The following KATNAL1 variants were observed in gnomAD, a reference collection of about 807,000 sequenced individuals.
The protein encoded by KATNAL1 is katanin catalytic subunit A1 like 1.
In KATNAL1, 32 loss-of-function variants were observed where a neutral mutation model predicts 55.2. The observed-to-expected ratio is 0.58, with a 90% CI of 0.44 to 0.78. KATNAL1 has a LOEUF of 0.78. KATNAL1 is among the 30% of genes least tolerant of loss of function. The pLI is 0.00. For synonymous variants in KATNAL1, 193 were observed against 193.6 expected (o/e 1.00, Z 0.02); for missense variants, 466 against 600.9 (o/e 0.78, Z 2.35).
chr13:30,274,147 TA>T (rs1302769735), intron 3 of KATNAL1, among the ~76,000 whole-genome samples: 1 of 152,220 alleles, frequency 6.6e-6, no homozygotes, highest in African/African-American at 2.4e-5. Flanking sequence ...GCAGGATCAC[TA>T]AATTAGTAGT....
At chr13:30,246,224 C>T (rs555760454) in intron 4 of KATNAL1, among the ~76,000 whole-genome samples, 338 of 152,232 alleles carry the variant, frequency 2.2e-3, no homozygotes, top group Non-Finnish European at 3.5e-3. Context: ...GAACAGAGGC[C>T]TCAGAAATAA....
chr13:30,288,073 G>A (rs545090258), intron 1 of KATNAL1, among the ~76,000 whole-genome samples: 1 of 152,218 alleles, frequency 6.6e-6, no homozygotes, highest in Non-Finnish European at 1.5e-5. Flanking sequence ...CACTTAGTTG[G>A]GATTCAAAGT....
chr13:30,268,527 A>G (rs900973331), intron 3 of KATNAL1, among the ~76,000 whole-genome samples: 6 of 152,186 alleles, frequency 3.9e-5, no homozygotes, highest in Non-Finnish European at 5.9e-5. Flanking sequence ...AACCAATGAG[A>G]AAAAAAGTTA....
intron 9 of KATNAL1, among the ~76,000 whole-genome samples, chr13:30,226,888 C>T (rs374902502): frequency 1.3e-5 from 2 of 152,246 alleles, no homozygotes; most frequent in South Asian, 4.1e-4. Context: ...CCAGCCTAGA[C>T]AACATGGCAA....
chr13:30,225,770 G>C (rs1006893164), intron 9 of KATNAL1, among the ~76,000 whole-genome samples: 42 of 151,048 alleles, frequency 2.8e-4, no homozygotes, highest in African/African-American at 1.0e-3. Flanking sequence ...GGATAGACAA[G>C]ATTTCTTAAG....
At position 30,226,848 on chromosome 13, in the gene KATNAL1, G is replaced by A. The variant is rs144090341; in HGVS notation, c.1147+564C>T. 3.0e-3 allele frequency among the ~76,000 whole-genome samples: 464 copies of A among 152,212 alleles called. 2 individuals are homozygous for A. Among genetic ancestry groups the A allele is most frequent in the Middle Eastern group, 0.024 (7 of 294 alleles). On this transcript the variant is annotated intron_variant, in intron 9 of 10. Transcript: ENST00000380615. ...TCCCAGCACTTTATGAGGCCGAGGC[G>A]GGAAATCACTTGAAGCCAGGAGTTC...
rs535269166 is a variant in KATNAL1, at chr13:30,213,001, G to C, written c.1148-2559C>G. ...AAAACCCCTAAGGGGAAGACCACAT[G>C]AAGACGCCGGGACAAGATGGCCACC... On this transcript the variant is annotated intron_variant, in intron 9 of 10. Coordinates refer to ENST00000380615, the MANE Select transcript of KATNAL1 (RefSeq NM_032116.5). Among the ~76,000 whole-genome samples the C allele has an allele frequency of 1.2e-4, 19 of 152,294 alleles. No individual in the cohort carries two copies. The East Asian group carries it at 3.5e-3, about 28-fold the overall frequency.
rs145787448 is a variant in KATNAL1, at chr13:30,286,003, A to T, written c.-14-2212T>A. The stretch of plus-strand genomic sequence containing the variant: ...GCAAAGTGTTCAAGAGGTGATTTGG[A>T]AGGGGGGATTGCTCTTAAAAGCATA... On this transcript the variant is annotated intron_variant, in intron 1 of 10. Transcript: ENST00000380615. Among the ~76,000 whole-genome samples, 1,368 of 152,290 alleles carry T rather than the reference A, an allele frequency of 9.0e-3. 25 individuals are homozygous for T. The highest frequency in any genetic ancestry group is 0.032 in the African/African-American group (1,310 of 41,568).
At chr13:30,257,895 G>A (rs1444155793) in intron 3 of KATNAL1, among the ~76,000 whole-genome samples, 1 of 152,200 alleles carries the variant, frequency 6.6e-6, no homozygotes, top group Non-Finnish European at 1.5e-5. Context: ...ATTTGTAACA[G>A]ACTCTGTGGA....
intron 6 of KATNAL1, among the ~76,000 whole-genome samples, chr13:30,232,379 T>G: frequency 6.6e-6 from 1 of 152,340 alleles, no homozygotes; most frequent in Non-Finnish European, 1.5e-5. Flanking sequence ...ATGTCAAAGT[T>G]TCATAAACTC....
chr13:30,278,080 A>G (rs930112079), intron 3 of KATNAL1, among the ~76,000 whole-genome samples: 4 of 151,998 alleles, frequency 2.6e-5, no homozygotes, highest in Non-Finnish European at 5.9e-5. Flanking sequence ...GCTTACATAG[A>G]AACTTTATTC....
chr13:30,232,261 C>T (rs372884486), intron 6 of KATNAL1, among the ~76,000 whole-genome samples: 2 of 152,126 alleles, frequency 1.3e-5, no homozygotes, highest in Non-Finnish European at 2.9e-5. Flanking sequence ...ACATAGCTCA[C>T]ACTAAATTTT....
chr13:30,267,750 G>GT (rs1879888122), intron 3 of KATNAL1, among the ~76,000 whole-genome samples: 1 of 152,142 alleles, frequency 6.6e-6, no homozygotes, highest in South Asian at 2.1e-4. Context: ...TTACCATAAG[G>GT]TAAGTGAAAT....
intron 1 of KATNAL1, among the ~76,000 whole-genome samples, chr13:30,303,241 TA>T (rs1336118436): frequency 1.3e-5 from 2 of 152,206 alleles, no homozygotes; most frequent in East Asian, 3.8e-4. Flanking sequence ...CAGTGAAGAT[TA>T]AACCACCTTG....
chr13:30,233,733 T>C (rs1395864509), intron 6 of KATNAL1, among the ~76,000 whole-genome samples: 1 of 152,094 alleles, frequency 6.6e-6, no homozygotes, highest in African/African-American at 2.4e-5. Context: ...GAAAATGTGG[T>C]ATATATACAA....
At position 30,269,428 on chromosome 13, in the gene KATNAL1, G is replaced by A. The variant is rs1163563354; in HGVS notation, c.323+10635C>T. 2.0e-5 allele frequency among the ~76,000 whole-genome samples: 3 copies of A among 152,212 alleles called. No homozygotes were observed. The East Asian group carries it at 5.8e-4, about 29-fold the overall frequency. On this transcript the variant is annotated intron_variant, in intron 3 of 10. Transcript: ENST00000380615. ...GAGTGCAGTGGCGTGATCTCGGCTC[G>A]CTACAACCTCCGCCTGCCTTGGCCA...
chr13:30,266,701 GTTTT>G (rs1167417543), intron 3 of KATNAL1, among the ~76,000 whole-genome samples: 1 of 152,102 alleles, frequency 6.6e-6, no homozygotes, highest in South Asian at 2.1e-4. Context: ...AATATTACCA[GTTTT>G]TATCCTCTTA....
chr13:30,229,411 C>T (rs1207369873), intron 8 of KATNAL1, among the ~76,000 whole-genome samples: 1 of 152,088 alleles, frequency 6.6e-6, no homozygotes, highest in East Asian at 1.9e-4. Flanking sequence ...GATCTCAGGA[C>T]CCTTTTATAC....
chr13:30,272,391 T>C (rs550325286), intron 3 of KATNAL1, among the ~76,000 whole-genome samples: 1 of 151,294 alleles, frequency 6.6e-6, no homozygotes, highest in East Asian at 1.9e-4. Flanking sequence ...CAGCAAGACT[T>C]GGTCTCAAAA....
Sources: gnomAD v4.1 joint callset for allele counts (sites outside exome capture counted in the v4.1 genomes callset) on GRCh38, gnomAD v4.1.1 for gene constraint, MANE v1.5 for transcripts, NCBI Gene and HGNC (gene_info 2026-07-23, HGNC 2026-07-21) for gene names.